ATP9A: variants seen among roughly 807,000 people sequenced by gnomAD.
The protein encoded by ATP9A is ATPase phospholipid transporting 9A.
Under a neutral mutation model 144.1 loss-of-function variants are expected in ATP9A, and 52 were observed. The ratio of observed to expected loss-of-function variants is 0.36; its 90% confidence interval spans 0.29 to 0.45. The LOEUF (loss-of-function observed/expected upper bound fraction) is 0.45, where lower values mean the gene tolerates loss of function less well. ATP9A is among the 20% of genes least tolerant of loss of function. The pLI is 1.00. For missense variants in ATP9A, 947 were observed against 1,392.7 expected, an observed-to-expected ratio of 0.68 and a Z score of 5.09; for synonymous variants, 582 against 557.4, an observed-to-expected ratio of 1.04 and a Z score of -0.62.
intron 24 of ATP9A, 44 bp downstream of exon 24, chr20:51,610,054 TGAA>T (rs1568783592): frequency 6.7e-6 from 10 of 1,498,670 alleles, no homozygotes; most frequent in Non-Finnish European, 9.3e-6. Flanking sequence ...TTGCAGCATT[TGAA>T]GAAGGTTTTG....
At chr20:51,623,518 C>T (rs7267013) in intron 18 of ATP9A, among the ~76,000 whole-genome samples, 2,873 of 152,222 alleles carry the variant, frequency 0.019, 96 homozygotes, top group African/African-American at 0.065. Flanking sequence ...CGGTGGCTTA[C>T]GCCTATAATC....
At chr20:51,661,204 C>A (rs926776983) in intron 13 of ATP9A, among the ~76,000 whole-genome samples, 20 of 152,248 alleles carry the variant, frequency 1.3e-4, no homozygotes, top group African/African-American at 4.6e-4. Flanking sequence ...CATTTCCTGA[C>A]AAGAACTCCA....
Position 51,733,653 on chromosome 20 carries a change from G to A in ATP9A, c.69-3675C>T, listed in dbSNP as rs193118722. 2.1e-3 allele frequency among the ~76,000 whole-genome samples: 316 copies of A among 150,860 alleles called. 3 individuals carry two copies. The highest frequency in any genetic ancestry group is 7.4e-3 in the African/African-American group (303 of 41,042). On this transcript the variant is annotated intron_variant, in intron 1 of 27. Transcript: ENST00000338821. ...CTCCCAAAGTGCTGGGATTACAGGC[G>A]TGAGCCACTGTACCTGGCCTTTTTT...
At chr20:51,605,323 A>C (rs2077158908) in intron 26 of ATP9A, among the ~76,000 whole-genome samples, 1 of 152,256 alleles carries the variant, frequency 6.6e-6, no homozygotes, top group Non-Finnish European at 1.5e-5. Context: ...TAATATTTAA[A>C]ATGATGGAGT....
intron 15 of ATP9A, among the ~76,000 whole-genome samples, chr20:51,629,476 C>A (rs1286031337): frequency 6.6e-6 from 1 of 152,162 alleles, no homozygotes; most frequent in African/African-American, 2.4e-5. Context: ...TCACTGTGAA[C>A]ATTTGGGGCC....
chr20:51,704,007 G>A (rs1219945130), intron 4 of ATP9A, among the ~76,000 whole-genome samples: 2 of 152,074 alleles, frequency 1.3e-5, no homozygotes, highest in African/African-American at 2.4e-5. Context: ...AAACGCCTCT[G>A]CAGACCCAGC....
At chr20:51,766,836 T>C (rs2077906185) in intron 1 of ATP9A, among the ~76,000 whole-genome samples, 1 of 151,864 alleles carries the variant, frequency 6.6e-6, no homozygotes, top group African/African-American at 2.4e-5. Context: ...GGAGACTCCG[T>C]CTCAATAATA....
At chr20:51,630,964 C>T (rs2077267501) in intron 15 of ATP9A, among the ~76,000 whole-genome samples, 1 of 152,106 alleles carries the variant, frequency 6.6e-6, no homozygotes, top group South Asian at 2.1e-4. Context: ...ACAGTATGGA[C>T]ATCCACCTGT....
intron 1 of ATP9A, among the ~76,000 whole-genome samples, chr20:51,746,616 G>C (rs192937574): frequency 6.6e-6 from 1 of 152,370 alleles, no homozygotes; most frequent in East Asian, 1.9e-4. Flanking sequence ...AAGACAGGCA[G>C]ATCACGAGGT....
chr20:51,609,137 G>A (rs1223022867), intron 24 of ATP9A, among the ~76,000 whole-genome samples: 1 of 152,104 alleles, frequency 6.6e-6, no homozygotes, highest in African/African-American at 2.4e-5. Context: ...AAGGCCAGTG[G>A]GGCTGGGGCT....
At chr20:51,718,342 C>T (rs1297996776) in intron 3 of ATP9A, among the ~76,000 whole-genome samples, 1 of 151,094 alleles carries the variant, frequency 6.6e-6, no homozygotes, top group African/African-American at 2.4e-5. Context: ...GTAGTAGCTA[C>T]ACAGGTGATT....
At chr20:51,651,755 C>G (rs2077367682) in intron 14 of ATP9A, among the ~76,000 whole-genome samples, 1 of 151,818 alleles carries the variant, frequency 6.6e-6, no homozygotes, top group South Asian at 2.1e-4. Context: ...ATGGTGAAAC[C>G]CTGTCTCTAC....
intron 14 of ATP9A, among the ~76,000 whole-genome samples, chr20:51,650,538 AAAAAAAT>A (rs1476073905): frequency 6.6e-6 from 1 of 150,800 alleles, no homozygotes; most frequent in East Asian, 1.9e-4. Context: ...CGTCTCAAAA[AAAAAAAT>A]AAAAAATAAA....
At chr20:51,748,602 A>G (rs2077817987) in intron 1 of ATP9A, among the ~76,000 whole-genome samples, 1 of 152,218 alleles carries the variant, frequency 6.6e-6, no homozygotes, top group Non-Finnish European at 1.5e-5. Context: ...GCAAGGATGG[A>G]CAAATAGGCG....
At chr20:51,711,586 C>G (rs1259153550) in intron 4 of ATP9A, among the ~76,000 whole-genome samples, 4 of 152,196 alleles carry the variant, frequency 2.6e-5, no homozygotes, top group African/African-American at 9.7e-5. Context: ...GATCAGTCAT[C>G]TTAGGGGACA....
intron 9 of ATP9A, among the ~76,000 whole-genome samples, chr20:51,688,116 G>C (rs2077531491): frequency 6.6e-6 from 1 of 152,184 alleles, no homozygotes; most frequent in Admixed American, 6.5e-5. Context: ...TGCAGAATGA[G>C]CATAATATGA....
intron 5 of ATP9A, among the ~76,000 whole-genome samples, chr20:51,696,989 C>T (rs573088354): frequency 4.6e-4 from 70 of 152,254 alleles, no homozygotes; most frequent in African/African-American, 1.6e-3. Flanking sequence ...TTACACTTAA[C>T]CCCTGCTCCC....
At chr20:51,696,936 C>G (rs1376989605) in intron 5 of ATP9A, among the ~76,000 whole-genome samples, 1 of 152,118 alleles carries the variant, frequency 6.6e-6, no homozygotes, top group African/African-American at 2.4e-5. Context: ...ACTGACACGG[C>G]TATTTTTTAA....
chr20:51,693,888 C>T (rs762212635), intron 7 of ATP9A, 120 bp downstream of exon 7: 105 of 842,142 alleles, frequency 1.2e-4, no homozygotes, highest in Non-Finnish European at 1.9e-4. Context: ...CAGGACCCCA[C>T]GCTCCCCTAC....
Sources: gnomAD v4.1 joint callset for allele counts (sites outside exome capture counted in the v4.1 genomes callset) on GRCh38, gnomAD v4.1.1 for gene constraint, MANE v1.5 for transcripts, NCBI Gene and HGNC (gene_info 2026-07-23, HGNC 2026-07-21) for gene names.